The following GARRE1 variants were observed in gnomAD, a reference collection of about 807,000 sequenced individuals.
GARRE1 encodes the protein granule associated Rac and RHOG effector protein 1.
Under a neutral mutation model 103.2 loss-of-function variants are expected in GARRE1, and 49 were observed. The observed-to-expected ratio is 0.47, with a 90% CI of 0.38 to 0.60. The LOEUF is 0.60. Ranked by LOEUF, GARRE1 falls within the 20% of genes least tolerant of loss-of-function variation. The pLI is 0.00. For synonymous variants in GARRE1, 505 were observed against 532.8 expected (o/e 0.95, Z 0.72); for missense variants, 1,199 against 1,370.5 (o/e 0.87, Z 1.98).
chr19:34,351,609 T>C lies in GARRE1; in HGVS notation c.2904+17T>C, dbSNP rs1179173980. 1.9e-6 allele frequency: 3 copies of C among 1,594,452 alleles called. No individual in the cohort carries two copies. Among genetic ancestry groups the C allele is most frequent in the African/African-American group, 2.7e-5 (2 of 74,474 alleles). ...GTGAACCAGGTATTCAGGCAGGCTC[T>C]GTGGGCACAGACTTGGGCTAGCTTC... is the stretch of plus-strand genomic sequence containing the variant. On this transcript the variant is annotated intron_variant, in intron 13 of 13. Transcript: ENST00000299505.
intron 1 of GARRE1, among the ~76,000 whole-genome samples, chr19:34,281,178 T>C (rs907562641): frequency 2.0e-5 from 3 of 152,182 alleles, no homozygotes; most frequent in African/African-American, 7.2e-5. Context: ...TGGAGTATAG[T>C]GGCGCCATGT....
In GARRE1 at chr19:34,348,037, A is replaced by G; in HGVS notation, c.2682A>G (p.Thr894=). The part of the protein sequence containing the change: ...HRTWPFPEFF[T]EGDGLHGGWS... ...CCTGGCCCTTCCCCGAGTTCTTCACAGAAGGGTGAGTGCTGGGTACTTCAG... is the reference window on the plus strand; with the variant it reads ...CCTGGCCCTTCCCCGAGTTCTTCACGGAAGGGTGAGTGCTGGGTACTTCAG... The change falls in exon 11 of 14, where the codon ACA becomes ACG. Residue 894 remains threonine (T), a synonymous_variant. Transcript: ENST00000299505. 1 of 1,482,564 alleles carries G rather than the reference A, an allele frequency of 6.7e-7. No homozygotes were observed. The highest frequency in any genetic ancestry group is 2.6e-5 in the East Asian group (1 of 39,004). 91.8% of individuals were successfully genotyped at this position (1,482,564 alleles called of 1,614,324 possible).
chr19:34,297,650 C>T (rs555805701), intron 1 of GARRE1, among the ~76,000 whole-genome samples: 15 of 152,304 alleles, frequency 9.8e-5, no homozygotes, highest in African/African-American at 3.4e-4. Flanking sequence ...ACGGGAACAG[C>T]CTGCCCCGCT....
chr19:34,291,005 C>T (rs2073914941), intron 1 of GARRE1, among the ~76,000 whole-genome samples: 1 of 143,166 alleles, frequency 7.0e-6, no homozygotes, highest in African/African-American at 2.6e-5. Flanking sequence ...CTCCCAGGTT[C>T]AAGCGATTAT....
intron 2 of GARRE1, among the ~76,000 whole-genome samples, chr19:34,313,557 G>A (rs539379693): frequency 6.6e-6 from 1 of 152,192 alleles, no homozygotes; most frequent in Admixed American, 6.5e-5. Context: ...CAAGTGATGT[G>A]TCATGATGAG....
At chr19:34,335,713 A>G (rs1301409056) in intron 8 of GARRE1, among the ~76,000 whole-genome samples, 1 of 152,160 alleles carries the variant, frequency 6.6e-6, no homozygotes, top group Non-Finnish European at 1.5e-5. Context: ...TTTAGTAGAG[A>G]CAGGGTTTTG....
intron 1 of GARRE1, among the ~76,000 whole-genome samples, chr19:34,268,252 C>A (rs1192687903): frequency 6.6e-6 from 1 of 152,130 alleles, no homozygotes; most frequent in African/African-American, 2.4e-5. Context: ...TGAAACCTTC[C>A]TTTTACCTGA....
intron 1 of GARRE1, among the ~76,000 whole-genome samples, chr19:34,288,645 A>G (rs1309747723): frequency 2.0e-5 from 3 of 152,358 alleles, no homozygotes; most frequent in Non-Finnish European, 4.4e-5. Context: ...GGCCTTTGAC[A>G]TGCAACCACC....
At chr19:34,320,342 G>T (rs1475274524) in intron 3 of GARRE1, among the ~76,000 whole-genome samples, 1 of 152,220 alleles carries the variant, frequency 6.6e-6, no homozygotes, top group Non-Finnish European at 1.5e-5. Context: ...CAGCCTCCTG[G>T]GAGAATAGGC....
chr19:34,330,088 G>A, intron 6 of GARRE1, 101 bp from the exon 7 acceptor site: 1 of 1,026,432 alleles, frequency 9.7e-7, no homozygotes, highest in Non-Finnish European at 1.4e-6. Context: ...TAAATAAAAT[G>A]CTCTTCTCTT....
intron 1 of GARRE1, chr19:34,296,152 CT>C (rs5827899): frequency 4.9e-4 from 139 of 282,142 alleles, no homozygotes; most frequent in East Asian, 1.0e-3. Context: ...GGATCCCTCG[CT>C]TTTTTTTTTT....
intron 3 of GARRE1, among the ~76,000 whole-genome samples, chr19:34,324,840 G>A (rs1023081337): frequency 4.6e-5 from 7 of 152,070 alleles, no homozygotes; most frequent in African/African-American, 4.8e-5. Context: ...AATTTGAAGC[G>A]TGTGATCCTT....
chr19:34,285,912 G>GT (rs1345143031), intron 1 of GARRE1, among the ~76,000 whole-genome samples: 6 of 152,216 alleles, frequency 3.9e-5, no homozygotes, highest in African/African-American at 9.6e-5. Context: ...TGTTTTGAAT[G>GT]TTTTTTCTCT....
chr19:34,255,040 G>A (rs569649500), intron 1 of GARRE1, among the ~76,000 whole-genome samples: 2 of 152,042 alleles, frequency 1.3e-5, no homozygotes, highest in South Asian at 2.1e-4. Flanking sequence ...GGCGGCAGGG[G>A]TCCGCTGGGG....
intron 2 of GARRE1, among the ~76,000 whole-genome samples, chr19:34,306,380 C>T (rs758790232): frequency 1.3e-5 from 2 of 152,236 alleles, no homozygotes; most frequent in Non-Finnish European, 2.9e-5. Context: ...TGCATGTGTG[C>T]AGTGTTCCCA....
chr19:34,296,940 C>T (rs994732194), intron 1 of GARRE1, among the ~76,000 whole-genome samples: 5 of 152,162 alleles, frequency 3.3e-5, no homozygotes, highest in Non-Finnish European at 5.9e-5. Context: ...ACTACCACTC[C>T]TGGCTTCCAA....
intron 1 of GARRE1, among the ~76,000 whole-genome samples, chr19:34,297,492 GCTCT>G (rs1251866069): frequency 6.6e-6 from 1 of 152,192 alleles, no homozygotes; most frequent in African/African-American, 2.4e-5. Context: ...ATGGGGGCAG[GCTCT>G]CCTAGAGCCA....
chr19:34,352,977 TGCCTG>T lies in GARRE1; in HGVS notation c.*23_*27del. The T allele has an allele frequency of 1.7e-6, 1 of 597,280 alleles. No homozygotes were observed. Among genetic ancestry groups the T allele is most frequent in the South Asian group, 5.5e-5 (1 of 18,090 alleles). The allele number at this position is 597,280 out of a possible 1,614,324, so 37.0% of individuals were successfully genotyped here. A position where few individuals can be genotyped will look rare whatever the true frequency, so the allele number is the denominator to read the frequency against. On this transcript the variant is annotated 3_prime_UTR_variant, in exon 14 of 14. Coordinates refer to ENST00000299505, the MANE Select transcript of GARRE1 (RefSeq NM_014686.5). Reference sequence around the variant, plus strand: ...CTGACCCCAGGCCAGCCAGCCTGCCTGCCTGCCTGCCTGCCCGCCCAGAGCTGTGG... The same window carrying T: ...CTGACCCCAGGCCAGCCAGCCTGCCTCCTGCCTGCCCGCCCAGAGCTGTGG...
Position 34,353,872 on chromosome 19 carries a change from C to T in GARRE1, c.*917C>T, listed in dbSNP as rs1227661013. ...ATTGCATTGACATTGTGAGCTGGCT[C>T]AGAAGACAAACCAATTAAGATGTAG... is the stretch of plus-strand genomic sequence containing the variant. On this transcript the variant is annotated 3_prime_UTR_variant, in exon 14 of 14. Coordinates refer to ENST00000299505, the MANE Select transcript of GARRE1 (RefSeq NM_014686.5). 1 of 152,372 alleles carries T rather than the reference C, an allele frequency of 6.6e-6. No individual in the cohort carries two copies. Among genetic ancestry groups the T allele is most frequent in the Non-Finnish European group, 1.5e-5 (1 of 68,008 alleles). The allele number at this position is 152,372 out of a possible 1,614,324, so 9.4% of individuals were successfully genotyped here.
Sources: gnomAD v4.1 joint callset for allele counts (sites outside exome capture counted in the v4.1 genomes callset) on GRCh38, gnomAD v4.1.1 for gene constraint, MANE v1.5 for transcripts, NCBI Gene and HGNC (gene_info 2026-07-23, HGNC 2026-07-21) for gene names.